PRDM16: variants seen among roughly 807,000 people sequenced by gnomAD.
The protein encoded by PRDM16 is histone-lysine N-methyltransferase PRDM16.
Under a neutral mutation model 110.6 loss-of-function variants are expected in PRDM16, and 23 were observed. The observed-to-expected ratio is 0.21, with a 90% CI of 0.15 to 0.29. The LOEUF is 0.29. Among genes scored for constraint, PRDM16 ranks in the 10% least tolerant of loss-of-function variants. PRDM16 has a pLI of 1.00. For missense variants in PRDM16, 1,615 were observed against 1,794.3 expected (o/e 0.90, Z 1.81); for synonymous variants, 799 against 781.8 (o/e 1.02, Z -0.37).
At chr1:3,414,526 G>T in intron 9 of PRDM16, 34 bp from the exon 10 acceptor site, 7 of 1,552,832 alleles carry the variant, frequency 4.5e-6, no homozygotes, top group Non-Finnish European at 6.2e-6. Context: ...CGGGCGGCTC[G>T]GTGGGGTACG....
chr1:3,210,727 A>G lies in PRDM16; in HGVS notation c.387+24253A>G, dbSNP rs75755920. Among the ~76,000 whole-genome samples the G allele has an allele frequency of 9.3e-3, 1,422 of 152,382 alleles. 30 individuals carry two copies. Among genetic ancestry groups the G allele is most frequent in the African/African-American group, 0.032 (1,329 of 41,594 alleles). ...TAGTTTATTCATTCACAAGATATAC[A>G]TCCACTTGTTCATTCACTTATGAGA... On this transcript the variant is annotated intron_variant, in intron 2 of 16. Coordinates refer to ENST00000270722, the MANE Select transcript of PRDM16 (RefSeq NM_022114.4).
At chr1:3,158,440 A>G in intron 1 of PRDM16, among the ~76,000 whole-genome samples, 1 of 152,334 alleles carries the variant, frequency 6.6e-6, no homozygotes, top group South Asian at 2.1e-4. Context: ...CAAAATAAAA[A>G]TCTAATTAAA....
chr1:3,218,746 G>A (rs894964408), intron 2 of PRDM16, among the ~76,000 whole-genome samples: 1 of 152,192 alleles, frequency 6.6e-6, no homozygotes, highest in African/African-American at 2.4e-5. Context: ...AGCGAGGGGT[G>A]GCTGAAATCA....
intron 3 of PRDM16, among the ~76,000 whole-genome samples, chr1:3,297,673 G>A (rs564858362): frequency 2.0e-5 from 3 of 152,282 alleles, no homozygotes; most frequent in South Asian, 4.1e-4. Context: ...AGGGGGATGA[G>A]GCTCCTGGCA....
intron 4 of PRDM16, among the ~76,000 whole-genome samples, chr1:3,388,664 G>C (rs1423405453): frequency 1.3e-5 from 2 of 152,206 alleles, no homozygotes; most frequent in African/African-American, 4.8e-5. Context: ...ATTCAGATGG[G>C]GACCCAGGCT....
intron 2 of PRDM16, among the ~76,000 whole-genome samples, chr1:3,192,261 A>G (rs1377329129): frequency 6.6e-6 from 1 of 152,148 alleles, no homozygotes; most frequent in East Asian, 1.9e-4. Flanking sequence ...TGGGCTCGGT[A>G]GCTTTTGGAG....
At position 3,243,515 on chromosome 1, in the gene PRDM16, G is replaced by A. The variant is rs976558343; in HGVS notation, c.388-572G>A. ...CCGCCGCTGTCTCCTGGGACCGCTGGGCAGAGTCCAGCTCCCCCCGACCTC... is the reference window on the plus strand; with the variant it reads ...CCGCCGCTGTCTCCTGGGACCGCTGAGCAGAGTCCAGCTCCCCCCGACCTC... On this transcript the variant is annotated intron_variant, in intron 2 of 16. Coordinates refer to ENST00000270722, the MANE Select transcript of PRDM16 (RefSeq NM_022114.4). The surrounding 1 kb of genome is among the most constrained non-coding windows in gnomAD (Gnocchi z 5.5). Among the ~76,000 whole-genome samples the A allele has an allele frequency of 2.0e-5, 3 of 152,128 alleles. No individual in the cohort carries two copies. The highest frequency in any genetic ancestry group is 4.4e-5 in the Non-Finnish European group (3 of 68,026).
chr1:3,180,235 C>T (rs1644134390), intron 1 of PRDM16, among the ~76,000 whole-genome samples: 1 of 151,636 alleles, frequency 6.6e-6, no homozygotes, highest in Admixed American at 6.6e-5. Context: ...CAGGCCAAGA[C>T]AAGGTATCTC....
chr1:3,131,527 A>G (rs1452388310), intron 1 of PRDM16, among the ~76,000 whole-genome samples: 3 of 152,084 alleles, frequency 2.0e-5, no homozygotes, highest in Admixed American at 2.0e-4. Context: ...CAGAAAGTTA[A>G]AAAAAATCAA....
intron 3 of PRDM16, 23 bp from the exon 4 acceptor site, chr1:3,385,129 C>A: frequency 6.2e-7 from 1 of 1,612,974 alleles, no homozygotes; most frequent in Admixed American, 1.7e-5. Context: ...CCTCTGACTC[C>A]CGCTTCGCTT....
intron 1 of PRDM16, among the ~76,000 whole-genome samples, chr1:3,129,613 G>C (rs1219941751): frequency 6.6e-6 from 1 of 152,120 alleles, no homozygotes; most frequent in Admixed American, 6.5e-5. Context: ...ATGGGGACCC[G>C]GGGCCCTTGA....
chr1:3,163,662 C>T (rs1233830176), intron 1 of PRDM16, among the ~76,000 whole-genome samples: 1 of 152,314 alleles, frequency 6.6e-6, no homozygotes, highest in Middle Eastern at 3.4e-3. Context: ...TCTGAGAACC[C>T]TTGTCCCGGC....
intron 1 of PRDM16, among the ~76,000 whole-genome samples, chr1:3,164,476 G>C (rs997489918): frequency 2.0e-5 from 3 of 152,220 alleles, no homozygotes; most frequent in Admixed American, 6.5e-5. Context: ...CGTACAGAAA[G>C]AGGACGGCTT....
chr1:3,257,772 G>C (rs1205333636), intron 3 of PRDM16, among the ~76,000 whole-genome samples: 1 of 152,162 alleles, frequency 6.6e-6, no homozygotes, highest in Admixed American at 6.5e-5. Flanking sequence ...GTGCTGCCAG[G>C]ATACAACCAA....
intron 3 of PRDM16, among the ~76,000 whole-genome samples, chr1:3,346,542 T>C (rs955081914): frequency 1.3e-5 from 2 of 152,062 alleles, no homozygotes; most frequent in Non-Finnish European, 2.9e-5. Flanking sequence ...CACCCTGCTG[T>C]CTCCTTTCTC....
intron 3 of PRDM16, chr1:3,306,647 C>T (rs1641321541): frequency 6.6e-6 from 1 of 152,158 alleles, no homozygotes; most frequent in African/African-American, 2.4e-5. Flanking sequence ...TTGCATTGTG[C>T]AATAATTGCA....
At chr1:3,250,413 T>C (rs1639902355) in intron 3 of PRDM16, among the ~76,000 whole-genome samples, 1 of 152,114 alleles carries the variant, frequency 6.6e-6, no homozygotes, top group Non-Finnish European at 1.5e-5. Context: ...AGGTGAGTTA[T>C]GGGGCAGCTC....
intron 3 of PRDM16, among the ~76,000 whole-genome samples, chr1:3,289,866 A>C (rs1342304611): frequency 2.0e-5 from 3 of 147,000 alleles, no homozygotes; most frequent in Non-Finnish European, 4.5e-5. Context: ...CCTCCAGGGC[A>C]CCGAGACCCC....
At chr1:3,084,605 T>C (rs1337834898) in intron 1 of PRDM16, among the ~76,000 whole-genome samples, 1 of 152,218 alleles carries the variant, frequency 6.6e-6, no homozygotes, top group Admixed American at 6.5e-5. Flanking sequence ...CCGCTGTCCC[T>C]GGACACTTGA....
Sources: gnomAD v4.1 joint callset for allele counts (sites outside exome capture counted in the v4.1 genomes callset) on GRCh38, gnomAD v4.1.1 for gene constraint, Gnocchi (gnomAD v3.1) non-coding constraint, MANE v1.5 for transcripts, NCBI Gene and HGNC (gene_info 2026-07-23, HGNC 2026-07-21) for gene names.